Variants in DNAAF4 observed in about 807,000 individuals in gnomAD.
DNAAF4 encodes dynein assembly factor 4, axonemal.
A neutral mutation model predicts 51.8 loss-of-function variants in DNAAF4; 43 were observed. That is an observed-to-expected ratio of 0.83 (90% CI 0.65 to 1.07). DNAAF4 has a LOEUF of 1.07. Among genes scored for constraint, DNAAF4 ranks in the 50% least tolerant of loss-of-function variants. The pLI, the probability that DNAAF4 is intolerant of heterozygous loss-of-function variation, is 0.00. For synonymous variants in DNAAF4, 194 were observed against 165.6 expected (o/e 1.17, Z -1.32); for missense variants, 581 against 493.0 (o/e 1.18, Z -1.69).
downstream of DNAAF4, among the ~76,000 whole-genome samples, chr15:55,429,816 G>A (rs1355633420): frequency 4.1e-5 from 6 of 146,086 alleles, no homozygotes; most frequent in East Asian, 4.0e-4. Flanking sequence ...GACTTCCTCC[G>A]TCTCAAAAAA....
intron 4 of DNAAF4, among the ~76,000 whole-genome samples, chr15:55,487,216 G>A (rs1274167853): frequency 2.0e-5 from 3 of 152,084 alleles, no homozygotes; most frequent in Non-Finnish European, 4.4e-5. Context: ...AGCGCTCTGT[G>A]TCTAGCTAAA....
Position 55,435,034 on chromosome 15 carries a change from A to G in DNAAF4, c.918T>C (p.Tyr306=). ...KGNKLFATEN[Y]LAAINAYNLA... ...AATTATATGCATTGATAGCTGCCAA[A>G]TAGTTTTCCGTTGCAAACAATTTGC... The change falls in exon 8 of 10, where the codon TAT becomes TAC. Residue 306 remains tyrosine (Y), a synonymous_variant. Transcript: ENST00000321149. The G allele has an allele frequency of 6.3e-7, 1 of 1,599,616 alleles. No homozygotes were observed. Among genetic ancestry groups the G allele is most frequent in the African/African-American group, 1.3e-5 (1 of 74,222 alleles).
At chr15:55,440,033 A>G (rs1028062016) in intron 6 of DNAAF4, among the ~76,000 whole-genome samples, 1 of 152,132 alleles carries the variant, frequency 6.6e-6, no homozygotes, top group East Asian at 1.9e-4. Flanking sequence ...TATAGCAGCC[A>G]GAGCAGATTA....
At chr15:55,479,292 C>T (rs1370361357) in intron 4 of DNAAF4, among the ~76,000 whole-genome samples, 1 of 151,696 alleles carries the variant, frequency 6.6e-6, no homozygotes, top group African/African-American at 2.4e-5. Context: ...TGGCTGGAGC[C>T]GCAGCAGAGG....
intron 7 of DNAAF4, chr15:55,418,216 C>A (rs1462817168): frequency 6.4e-6 from 10 of 1,571,486 alleles, no homozygotes; most frequent in Admixed American, 1.9e-5. Context: ...ATGTGTTTAT[C>A]TTTTAGGATA....
chr15:55,498,130 G>A, intron 2 of DNAAF4, 77 bp downstream of exon 2: 2 of 1,601,970 alleles, frequency 1.2e-6, no homozygotes, highest in African/African-American at 2.7e-5. Flanking sequence ...TGAGCCTGTT[G>A]CTCGTGCCCA....
At chr15:55,453,115 G>T (rs971265498) in intron 5 of DNAAF4, among the ~76,000 whole-genome samples, 2 of 152,094 alleles carry the variant, frequency 1.3e-5, no homozygotes, top group African/African-American at 4.8e-5. Flanking sequence ...ATGAGCCACC[G>T]TGCCCAGTGG....
intron 6 of DNAAF4, among the ~76,000 whole-genome samples, chr15:55,449,782 T>A (rs1291050672): frequency 6.4e-5 from 8 of 124,842 alleles, no homozygotes; most frequent in Admixed American, 2.0e-4. Flanking sequence ...CACTGCAACC[T>A]CCACATCCCA....
intron 4 of DNAAF4, among the ~76,000 whole-genome samples, chr15:55,481,021 T>G (rs1217646602): frequency 6.6e-6 from 1 of 152,168 alleles, no homozygotes; most frequent in African/African-American, 2.4e-5. Flanking sequence ...GCATTTCTCC[T>G]GCTGGTGCTC....
intron 4 of DNAAF4, among the ~76,000 whole-genome samples, chr15:55,479,577 ACTGT>A (rs1278373179): frequency 2.7e-5 from 4 of 147,680 alleles, no homozygotes; most frequent in Admixed American, 2.0e-4. Context: ...ATAAGGTCTG[ACTGT>A]CTGTGGGGTC....
At chr15:55,455,585 C>T (rs1208768562) in intron 5 of DNAAF4, among the ~76,000 whole-genome samples, 2 of 152,006 alleles carry the variant, frequency 1.3e-5, no homozygotes, top group Middle Eastern at 3.4e-3. Context: ...GCGCATGCCA[C>T]CACACCTGGC....
In DNAAF4 at chr15:55,465,848, G is replaced by A. The variant is rs145287831; in HGVS notation, c.637+1082C>T. ...CCCAAAGTGTTAGGATTACAGGCAT[G>A]AGCCACTGCTCCTGGCCCATGTTCT... On this transcript the variant is annotated intron_variant, in intron 5 of 9. Transcript: ENST00000321149. Among the ~76,000 whole-genome samples the A allele has an allele frequency of 5.6e-3, 852 of 152,218 alleles. 4 individuals are homozygous for A. Among genetic ancestry groups the A allele is most frequent in the Non-Finnish European group, 9.7e-3 (662 of 68,018 alleles).
At chr15:55,430,023 A>C (rs1346358961), downstream of DNAAF4, among the ~76,000 whole-genome samples, 1 of 152,160 alleles carries the variant, frequency 6.6e-6, no homozygotes, top group Non-Finnish European at 1.5e-5. Context: ...ACTTGGAGGT[A>C]CTAGAAAACT....
intron 6 of DNAAF4, among the ~76,000 whole-genome samples, chr15:55,441,666 T>C: frequency 6.6e-6 from 1 of 152,026 alleles, no homozygotes; most frequent in Non-Finnish European, 1.5e-5. Context: ...ATGTGGTGTT[T>C]GGTTTTTTGT....
chr15:55,418,767 G>T lies in DNAAF4; in HGVS notation c.1048-634C>A, dbSNP rs1267992211. The T allele has an allele frequency of 8.6e-6, 4 of 466,794 alleles. No individual in the cohort carries two copies. The East Asian group carries it at 1.4e-4, about 16-fold the overall frequency. The allele number at this position is 466,794 out of a possible 1,614,324, so 28.9% of individuals were successfully genotyped here. A position where few individuals can be genotyped will look rare whatever the true frequency, so the allele number is the denominator to read the frequency against. ...TATGTTCAAAATAGCAAAATAAAAG[G>T]TAGAAAGTGTTTTAGTCCATGTAAT... On this transcript the variant is annotated intron_variant, in intron 7 of 7. Transcript: ENST00000448430.
chr15:55,497,304 A>G (rs1241288275), intron 3 of DNAAF4, among the ~76,000 whole-genome samples: 1 of 152,158 alleles, frequency 6.6e-6, no homozygotes, highest in East Asian at 1.9e-4. Context: ...AGTAAAAGGA[A>G]AGTCTATCTG....
intron 5 of DNAAF4, among the ~76,000 whole-genome samples, chr15:55,461,591 G>A (rs530839025): frequency 1.3e-5 from 2 of 152,092 alleles, no homozygotes; most frequent in Non-Finnish European, 2.9e-5. Flanking sequence ...TGAACTGAAC[G>A]ATAATAGTGA....
chr15:55,422,174 C>T (rs7180824), intron 7 of DNAAF4, among the ~76,000 whole-genome samples: 149,545 of 152,178 alleles, frequency 0.98, 73,523 homozygotes, highest in East Asian at 1. Context: ...ATAAGTGTTA[C>T]GGGAAAAAAC....
downstream of DNAAF4, among the ~76,000 whole-genome samples, chr15:55,429,908 G>A (rs927392128): frequency 1.4e-4 from 21 of 152,020 alleles, no homozygotes; most frequent in African/African-American, 5.1e-4. Flanking sequence ...CTTAACACTT[G>A]CATAATCCCA....
Sources: gnomAD v4.1 joint callset for allele counts (sites outside exome capture counted in the v4.1 genomes callset) on GRCh38, gnomAD v4.1.1 for gene constraint, MANE v1.5 for transcripts, NCBI Gene and HGNC (gene_info 2026-07-23, HGNC 2026-07-21) for gene names.